SIDT1: variants seen among roughly 807,000 people sequenced by gnomAD.
SIDT1 encodes SID1 transmembrane family, member 1.
A neutral mutation model predicts 107.5 loss-of-function variants in SIDT1; 101 were observed. That is an observed-to-expected ratio of 0.94 (90% CI 0.80 to 1.11). The LOEUF (loss-of-function observed/expected upper bound fraction) is 1.11. Among genes scored for constraint, SIDT1 ranks in the 50% least tolerant of loss-of-function variants. The pLI is 0.00. For missense variants in SIDT1, 1,076 were observed against 1,058.2 expected (o/e 1.02, Z -0.23); for synonymous variants, 395 against 398.2 (o/e 0.99, Z 0.10).
intron 4 of SIDT1, among the ~76,000 whole-genome samples, 169 bp downstream of exon 4, chr3:113,577,136 G>A (rs1270317551): frequency 6.6e-6 from 1 of 152,140 alleles, no homozygotes; most frequent in Non-Finnish European, 1.5e-5. Flanking sequence ...TGGAATTTTG[G>A]ACACAATATT....
At chr3:113,586,453 G>A (rs574996179) in intron 9 of SIDT1, among the ~76,000 whole-genome samples, 1 of 152,290 alleles carries the variant, frequency 6.6e-6, no homozygotes, top group Admixed American at 6.5e-5. Context: ...AATGCCAAAA[G>A]CTGGCTGGTA....
At chr3:113,631,242 C>T (rs1002087611), downstream of SIDT1, among the ~76,000 whole-genome samples, 4 of 152,180 alleles carry the variant, frequency 2.6e-5, no homozygotes, top group East Asian at 3.8e-4. Context: ...GGGAATGCCA[C>T]GTGCAAATGT....
chr3:113,585,068 G>A lies in SIDT1; in HGVS notation c.908-109G>A, dbSNP rs1373474080. The A allele has an allele frequency of 3.8e-6, 3 of 780,176 alleles. No homozygotes were observed. The African/African-American group carries it at 5.2e-5, about 14-fold the overall frequency. 48.3% of individuals were successfully genotyped at this position (780,176 alleles called of 1,614,324 possible). ...TTTTGCTGTGAACAAAAATTTATTA[G>A]GACCTAAGAATCAATATGATGGAGG... On this transcript the variant is annotated intron_variant, in intron 8 of 24. Transcript: ENST00000264852.
chr3:113,615,919 T>A lies in SIDT1; in HGVS notation c.1967-181T>A, dbSNP rs545610935. On this transcript the variant is annotated intron_variant, in intron 19 of 24. Coordinates refer to ENST00000264852, the MANE Select transcript of SIDT1 (RefSeq NM_017699.3). ...GTGTAATGCACAGATATGGCATCCCTCTATGACGATACCATTTTTCAAAGC... is the reference window on the plus strand; with the variant it reads ...GTGTAATGCACAGATATGGCATCCCACTATGACGATACCATTTTTCAAAGC... 72 of 637,002 alleles carry A rather than the reference T, an allele frequency of 1.1e-4. 1 individual carries two copies. The South Asian group carries it at 1.2e-3, about 11-fold the overall frequency. 39.5% of individuals were successfully genotyped at this position (637,002 alleles called of 1,614,324 possible).
chr3:113,626,087 C>T lies in SIDT1; in HGVS notation c.2308-15C>T. ...TGTGGGAATCTTGCCCATGTCCTGC[C>T]TCACCTTCCTCCAGGGAACTCCGGC... On this transcript the variant is annotated splice_polypyrimidine_tract_variant and intron_variant, in intron 23 of 24. Transcript: ENST00000264852. 1.9e-6 allele frequency: 3 copies of T among 1,588,662 alleles called. No homozygotes were observed. The highest frequency in any genetic ancestry group is 1.3e-5 in the African/African-American group (1 of 74,542).
At chr3:113,601,698 A>C in intron 11 of SIDT1, 39 bp downstream of exon 11, 1 of 1,459,834 alleles carries the variant, frequency 6.9e-7, no homozygotes, top group Non-Finnish European at 9.5e-7. Flanking sequence ...GTGTTTCCTA[A>C]TTCTGCAGAG....
chr3:113,618,642 A>T (rs1946262679), intron 20 of SIDT1, among the ~76,000 whole-genome samples: 2 of 152,284 alleles, frequency 1.3e-5, no homozygotes, highest in Admixed American at 1.3e-4. Context: ...TTTTTAATGA[A>T]GTTATTTCCT....
At chr3:113,636,148 T>C in the SIDT1 span, among the ~76,000 whole-genome samples, 2 of 152,164 alleles carry the variant, frequency 1.3e-5, no homozygotes, top group African/African-American at 4.8e-5. Context: ...CTTAAAGCTG[T>C]AATCCCAGCA....
chr3:113,583,099 T>C (rs1943481113), intron 6 of SIDT1, among the ~76,000 whole-genome samples: 1 of 152,246 alleles, frequency 6.6e-6, no homozygotes, highest in South Asian at 2.1e-4. Context: ...CATTAGTTAT[T>C]AAACATAGGC....
At chr3:113,548,730 A>T (rs1326951424) in intron 1 of SIDT1, among the ~76,000 whole-genome samples, 1 of 152,130 alleles carries the variant, frequency 6.6e-6, no homozygotes, top group Non-Finnish European at 1.5e-5. Flanking sequence ...ACTAACCCTT[A>T]TCTTCCTGGC....
In SIDT1 at chr3:113,533,104, C is replaced by G; in HGVS notation, c.83C>G (p.Ser28Cys). The G allele has an allele frequency of 1.3e-6, 2 of 1,535,358 alleles. No individual in the cohort carries two copies. The highest frequency in any genetic ancestry group is 1.2e-5 in the South Asian group (1 of 81,160). Residue 28 changes from serine to cysteine, a missense_variant, in exon 1 of 25, where the codon TCC becomes TGC. Ser to Cys is a moderately radical substitution (Grantham distance 112, BLOSUM62 -1). Transcript: ENST00000264852. ...LAASPGHPAK[S>C]PRQPPAPRRD... Reference sequence around the variant, plus strand: ...GCGTCGCCCGGGCACCCGGCGAAATCCCCCAGGCAGCCCCCGGCACCGCGC... The same window carrying G: ...GCGTCGCCCGGGCACCCGGCGAAATGCCCCAGGCAGCCCCCGGCACCGCGC...
chr3:113,561,974 C>CTG (rs1941471739), intron 1 of SIDT1, among the ~76,000 whole-genome samples: 2 of 152,120 alleles, frequency 1.3e-5, no homozygotes, highest in Admixed American at 6.5e-5. Context: ...CCAAAGTGTG[C>CTG]TCTAAAAACA....
intron 19 of SIDT1, 103 bp from the exon 20 acceptor site, chr3:113,615,997 A>G: frequency 1.2e-6 from 1 of 806,536 alleles, no homozygotes; most frequent in Non-Finnish European, 2.2e-6. Context: ...CATTTTAATG[A>G]AGTGAGGATG....
intron 3 of SIDT1, among the ~76,000 whole-genome samples, chr3:113,569,138 C>CAA (rs780715523): frequency 0.043 from 2,403 of 55,258 alleles, 80 homozygotes; most frequent in East Asian, 0.11. Context: ...GACTCCCTCT[C>CAA]AAAAAAAAAA....
At chr3:113,611,738 A>T (rs1945757821) in intron 18 of SIDT1, among the ~76,000 whole-genome samples, 1 of 152,188 alleles carries the variant, frequency 6.6e-6, no homozygotes, top group Admixed American at 6.5e-5. Context: ...CTGACTGGAG[A>T]GACTGAGGGG....
At chr3:113,543,051 C>T (rs1204974924) in intron 1 of SIDT1, among the ~76,000 whole-genome samples, 2 of 152,126 alleles carry the variant, frequency 1.3e-5, no homozygotes, top group East Asian at 3.9e-4. Context: ...AGCGATTCTC[C>T]TGCCTCTGCC....
chr3:113,533,309 T>C lies in SIDT1; in HGVS notation c.222+66T>C. 2.4e-6 allele frequency: 3 copies of C among 1,248,108 alleles called. No individual in the cohort carries two copies. The Admixed American group carries it at 1.2e-4, about 48-fold the overall frequency. The allele number at this position is 1,248,108 out of a possible 1,614,324, so 77.3% of individuals were successfully genotyped here. A position where few individuals can be genotyped will look rare whatever the true frequency, so the allele number is the denominator to read the frequency against. On this transcript the variant is annotated intron_variant, in intron 1 of 24. Coordinates refer to ENST00000264852, the MANE Select transcript of SIDT1 (RefSeq NM_017699.3). ...CAGATCTCAGAGCCCCGTCGCTGCT[T>C]TGGAGTCCCCTGGGAATTGACCTTG...
chr3:113,605,124 C>CTTTTTT (rs5851901), intron 14 of SIDT1, 148 bp downstream of exon 14: 20,715 of 337,792 alleles, frequency 0.061, 149 homozygotes, highest in South Asian at 0.083. Context: ...ATTGCTTCCT[C>CTTTTTT]TTTTTTTTTT....
At chr3:113,557,493 A>G (rs896113441) in intron 1 of SIDT1, among the ~76,000 whole-genome samples, 5 of 152,222 alleles carry the variant, frequency 3.3e-5, no homozygotes, top group Non-Finnish European at 7.3e-5. Flanking sequence ...ACACAGGCAC[A>G]CACAGAGAAT....
Sources: allele counts gnomAD v4.1 joint callset (sites outside exome capture counted in the v4.1 genomes callset), GRCh38; gene constraint gnomAD v4.1.1; transcripts MANE v1.5; gene names NCBI Gene and HGNC (gene_info 2026-07-23, HGNC 2026-07-21).